The following XRCC4 variants were observed in gnomAD, a reference collection of about 807,000 sequenced individuals.
XRCC4 encodes DNA repair protein XRCC4.
A neutral mutation model predicts 39.1 loss-of-function variants in XRCC4; 28 were observed. The ratio of observed to expected loss-of-function variants is 0.72; its 90% confidence interval spans 0.53 to 0.98. The LOEUF is 0.98. XRCC4 is among the 50% of genes least tolerant of loss of function. The probability of loss-of-function intolerance (pLI) is 0.00; values close to 1 mark genes in which losing one functional copy is unlikely to be tolerated. For synonymous variants in XRCC4, 123 were observed against 126.4 expected (o/e 0.97, Z 0.18); for missense variants, 350 against 376.4 (o/e 0.93, Z 0.58).
intron 1 of XRCC4, among the ~76,000 whole-genome samples, chr5:83,094,974 T>G (rs1009851793): frequency 6.6e-6 from 1 of 151,936 alleles, no homozygotes; most frequent in Non-Finnish European, 1.5e-5. Flanking sequence ...GGAGGTGTCA[T>G]GATTTCCTGA....
At chr5:83,314,886 G>A (rs1328881515) in intron 7 of XRCC4, among the ~76,000 whole-genome samples, 2 of 151,990 alleles carry the variant, frequency 1.3e-5, no homozygotes, top group Non-Finnish European at 2.9e-5. Flanking sequence ...ATTGATATTA[G>A]GCCAGTTAAT....
chr5:83,114,914 A>G (rs1454476055), intron 3 of XRCC4, among the ~76,000 whole-genome samples: 1 of 152,216 alleles, frequency 6.6e-6, no homozygotes, highest in Non-Finnish European at 1.5e-5. Context: ...TCACAGTTCC[A>G]CATGGCTGGG....
chr5:83,247,400 C>T (rs993658803), intron 6 of XRCC4, among the ~76,000 whole-genome samples: 7 of 152,314 alleles, frequency 4.6e-5, no homozygotes, highest in African/African-American at 1.7e-4. Context: ...GCTCCACCTC[C>T]TGTCAGATCA....
At chr5:83,182,285 G>A (rs1029378319) in intron 3 of XRCC4, among the ~76,000 whole-genome samples, 3 of 152,076 alleles carry the variant, frequency 2.0e-5, no homozygotes, top group African/African-American at 4.8e-5. Context: ...TGCTTAACAG[G>A]ATCCAACTGT....
At chr5:83,236,593 C>A (rs1196957892) in intron 6 of XRCC4, among the ~76,000 whole-genome samples, 1 of 152,024 alleles carries the variant, frequency 6.6e-6, no homozygotes. Flanking sequence ...AATGTGAGAT[C>A]TCAAACTATG....
At position 83,252,934 on chromosome 5, in the gene XRCC4, A is replaced by G. The variant is rs560662530; in HGVS notation, c.746-5596A>G. Among the ~76,000 whole-genome samples the G allele has an allele frequency of 2.6e-5, 4 of 152,352 alleles. No homozygotes were observed. In the South Asian group the frequency reaches 6.2e-4, roughly 24 times the overall value. On this transcript the variant is annotated intron_variant, in intron 6 of 7. Transcript: ENST00000396027. ...AAGGCATGGGTTCCAGCTATAGGGT[A>G]TTCATAATTTAATTGGAGAAACAAG...
intron 3 of XRCC4, among the ~76,000 whole-genome samples, chr5:83,147,333 A>G (rs1748501960): frequency 6.6e-6 from 1 of 152,208 alleles, no homozygotes; most frequent in African/African-American, 2.4e-5. Flanking sequence ...ATGGAGAAGG[A>G]AAATGTGATA....
chr5:83,226,899 G>A (rs1752311702), intron 6 of XRCC4, among the ~76,000 whole-genome samples: 1 of 151,968 alleles, frequency 6.6e-6, no homozygotes, highest in African/African-American at 2.4e-5. Context: ...CTTTAGAAAA[G>A]TATTGGTCAT....
intron 7 of XRCC4, among the ~76,000 whole-genome samples, chr5:83,296,971 C>T (rs894901835): frequency 6.6e-6 from 1 of 151,850 alleles, no homozygotes; most frequent in Non-Finnish European, 1.5e-5. Flanking sequence ...TGCCAACAGA[C>T]TTGCAAAGAA....
At chr5:83,280,106 C>T (rs1292881869) in intron 7 of XRCC4, 1 of 208,672 alleles carries the variant, frequency 4.8e-6, no homozygotes, top group Non-Finnish European at 1.0e-5. Flanking sequence ...ACACATTTTT[C>T]AGTAGCCTGG....
chr5:83,309,928 A>T (rs552954584), intron 7 of XRCC4, among the ~76,000 whole-genome samples: 1 of 152,322 alleles, frequency 6.6e-6, no homozygotes, highest in East Asian at 1.9e-4. Context: ...GGACATTTAG[A>T]GAAAACATAA....
At chr5:83,094,495 ATTCT>A (rs1159744633) in intron 1 of XRCC4, among the ~76,000 whole-genome samples, 2 of 148,644 alleles carry the variant, frequency 1.3e-5, no homozygotes, top group Non-Finnish European at 3.0e-5. Flanking sequence ...AAGCTCACTG[ATTCT>A]TTCTTCAGCT....
chr5:83,222,920 G>T (rs947289360), intron 6 of XRCC4, among the ~76,000 whole-genome samples: 1 of 151,896 alleles, frequency 6.6e-6, no homozygotes, highest in Non-Finnish European at 1.5e-5. Flanking sequence ...GCTAATTTTT[G>T]TAGTTTTTGT....
At chr5:83,165,351 A>G (rs1398593645) in intron 3 of XRCC4, among the ~76,000 whole-genome samples, 2 of 152,220 alleles carry the variant, frequency 1.3e-5, no homozygotes, top group African/African-American at 4.8e-5. Flanking sequence ...CAATTCCAAT[A>G]TTATGAAAAA....
At chr5:83,313,600 TC>T (rs972350303) in intron 7 of XRCC4, among the ~76,000 whole-genome samples, 3 of 152,172 alleles carry the variant, frequency 2.0e-5, no homozygotes, top group Admixed American at 2.0e-4. Flanking sequence ...CATACTTTTC[TC>T]CCCAACACTA....
intron 7 of XRCC4, among the ~76,000 whole-genome samples, chr5:83,260,351 G>A (rs1355750451): frequency 4.6e-5 from 7 of 152,094 alleles, no homozygotes; most frequent in Non-Finnish European, 1.0e-4. Flanking sequence ...TGAGTAATGA[G>A]TTGAAATTGA....
At chr5:83,307,029 A>C (rs431784) in intron 7 of XRCC4, among the ~76,000 whole-genome samples, 115,317 of 151,688 alleles carry the variant, frequency 0.76, 45,216 homozygotes, top group Non-Finnish European at 0.86. Flanking sequence ...CTACTACGCC[A>C]GAGTAAGCAC....
intron 6 of XRCC4, among the ~76,000 whole-genome samples, chr5:83,250,383 T>C (rs557620009): frequency 5.3e-5 from 8 of 152,278 alleles, no homozygotes; most frequent in Non-Finnish European, 8.8e-5. Flanking sequence ...CAAAATAACT[T>C]GTAAGTTATT....
At chr5:83,265,449 G>T (rs1043914405) in intron 7 of XRCC4, among the ~76,000 whole-genome samples, 4 of 152,184 alleles carry the variant, frequency 2.6e-5, no homozygotes, top group African/African-American at 7.2e-5. Context: ...TGGTCAGGCT[G>T]CGGCTCTCAC....
Sources: gnomAD v4.1 joint callset for allele counts (sites outside exome capture counted in the v4.1 genomes callset) on GRCh38, gnomAD v4.1.1 for gene constraint, MANE v1.5 for transcripts, NCBI Gene and HGNC (gene_info 2026-07-23, HGNC 2026-07-21) for gene names.